Variants in ATOSA observed in about 807,000 individuals in gnomAD.
ATOSA encodes atos homolog A.
At chr15:52,654,674 G>C in the ATOSA span, among the ~76,000 whole-genome samples, 1 of 152,066 alleles carries the variant, frequency 6.6e-6, no homozygotes, top group Non-Finnish European at 1.5e-5. Context: ...TAGGATAGTA[G>C]ATCTTTTACA....
chr15:52,637,513 G>T, the ATOSA span, among the ~76,000 whole-genome samples: 1 of 152,190 alleles, frequency 6.6e-6, no homozygotes, highest in East Asian at 1.9e-4. Flanking sequence ...CTTATAAATT[G>T]TACCTCCTAA....
At chr15:52,609,694 T>C in the ATOSA span, 5 of 1,613,704 alleles carry the variant, frequency 3.1e-6, no homozygotes, top group South Asian at 5.5e-5. Context: ...CCGGAAAAGT[T>C]TTGAATGGAG....
the ATOSA span, among the ~76,000 whole-genome samples, chr15:52,589,945 G>T: frequency 2.0e-5 from 3 of 151,784 alleles, no homozygotes; most frequent in African/African-American, 7.3e-5. Context: ...CCACCATCAC[G>T]CCCAGCTAAT....
the ATOSA span, among the ~76,000 whole-genome samples, chr15:52,683,688 G>A: frequency 6.6e-6 from 1 of 152,178 alleles, no homozygotes; most frequent in Non-Finnish European, 1.5e-5. Flanking sequence ...CAGAAAAGGG[G>A]AAGTTAAATA....
chr15:52,641,562 C>A, the ATOSA span, among the ~76,000 whole-genome samples: 7 of 152,314 alleles, frequency 4.6e-5, 1 homozygote, highest in South Asian at 1.4e-3. Flanking sequence ...GTAATCACAT[C>A]AAGAAAGAAT....
the ATOSA span, among the ~76,000 whole-genome samples, chr15:52,692,757 T>A: frequency 6.6e-6 from 1 of 152,046 alleles, no homozygotes; most frequent in East Asian, 1.9e-4. Flanking sequence ...ACCCCTGGAC[T>A]CAAGCAATCC....
chr15:52,687,519 C>T, the ATOSA span, among the ~76,000 whole-genome samples: 1 of 152,152 alleles, frequency 6.6e-6, no homozygotes, highest in South Asian at 2.1e-4. Flanking sequence ...AGGAGAGGGG[C>T]CTGCTAAGGA....
the ATOSA span, among the ~76,000 whole-genome samples, chr15:52,597,251 T>C: frequency 0.58 from 86,319 of 149,560 alleles, 28,717 homozygotes; most frequent in Non-Finnish European, 0.74. Flanking sequence ...TTCTATTCTC[T>C]ATTCTATTCT....
At chr15:52,648,890 C>T in the ATOSA span, 8 of 152,110 alleles carry the variant, frequency 5.3e-5, no homozygotes, top group Admixed American at 1.3e-4. Context: ...CCTATGATGT[C>T]CAGAAGTCTT....
chr15:52,609,921 T>C, the ATOSA span: 4 of 1,610,682 alleles, frequency 2.5e-6, no homozygotes, highest in African/African-American at 5.3e-5. Context: ...TTCTCACTGA[T>C]GTTTCTTGTG....
chr15:52,684,100 G>A, the ATOSA span, among the ~76,000 whole-genome samples: 1 of 152,206 alleles, frequency 6.6e-6, no homozygotes, highest in Admixed American at 6.5e-5. Context: ...AGATTCAAGT[G>A]ATTATTGAAG....
At chr15:52,592,069 T>C in the ATOSA span, among the ~76,000 whole-genome samples, 1 of 152,178 alleles carries the variant, frequency 6.6e-6, no homozygotes, top group Non-Finnish European at 1.5e-5. Context: ...CAGTAATGAG[T>C]AGGCCACATA....
At chr15:52,610,994 T>G in the ATOSA span, 1 of 1,062,576 alleles carries the variant, frequency 9.4e-7, no homozygotes, top group East Asian at 2.5e-5. Flanking sequence ...TAACTTGTTT[T>G]GAAAAACCTC....
chr15:52,685,456 CAG>C, the ATOSA span, among the ~76,000 whole-genome samples: 3 of 151,250 alleles, frequency 2.0e-5, no homozygotes, highest in African/African-American at 7.3e-5. Context: ...TTTTCTAAAA[CAG>C]GGTCTTGCTC....
the ATOSA span, chr15:52,590,572 A>T: frequency 6.6e-6 from 1 of 152,236 alleles, no homozygotes; most frequent in Non-Finnish European, 1.5e-5. Context: ...TTATTATTAG[A>T]GTAACAAGGT....
the ATOSA span, among the ~76,000 whole-genome samples, chr15:52,590,170 T>C: frequency 3.3e-5 from 5 of 152,186 alleles, no homozygotes; most frequent in Non-Finnish European, 7.3e-5. Flanking sequence ...CAGATTATTA[T>C]GGAATAGGGA....
the ATOSA span, among the ~76,000 whole-genome samples, chr15:52,632,111 C>T: frequency 6.6e-6 from 1 of 152,046 alleles, no homozygotes; most frequent in Non-Finnish European, 1.5e-5. Flanking sequence ...AGCTGTATAC[C>T]CATTAACTAA....
the ATOSA span, chr15:52,611,105 C>G: frequency 6.3e-7 from 1 of 1,589,866 alleles, no homozygotes; most frequent in Non-Finnish European, 8.5e-7. Context: ...TACGCACTGT[C>G]CTTTTTTTTT....
chr15:52,691,926 G>C, the ATOSA span, among the ~76,000 whole-genome samples: 1 of 151,548 alleles, frequency 6.6e-6, no homozygotes, highest in African/African-American at 2.4e-5. Flanking sequence ...GCCCAGAAGA[G>C]TTTGAGAAAG....
Sources: allele counts gnomAD v4.1 joint callset (sites outside exome capture counted in the v4.1 genomes callset), GRCh38; gene constraint gnomAD v4.1.1; transcripts MANE v1.5; gene names NCBI Gene and HGNC (gene_info 2026-07-23, HGNC 2026-07-21).